Variants in PCDH9 observed in about 807,000 individuals in gnomAD.
PCDH9 encodes the protein protocadherin 9.
In PCDH9, 24 loss-of-function variants were observed where a neutral mutation model predicts 70.6. That is an observed-to-expected ratio of 0.34 (90% CI 0.25 to 0.48). The LOEUF is 0.48. PCDH9 is among the 20% of genes least tolerant of loss of function. PCDH9 has a pLI of 0.99. For missense variants in PCDH9, 1,281 were observed against 1,503.6 expected (o/e 0.85, Z 2.45); for synonymous variants, 562 against 558.5 (o/e 1.01, Z -0.09).
At chr13:66,911,836 C>G (rs1158298369) in intron 2 of PCDH9, among the ~76,000 whole-genome samples, 1 of 152,080 alleles carries the variant, frequency 6.6e-6, no homozygotes, top group African/African-American at 2.4e-5. Flanking sequence ...TTTGGAACTT[C>G]CCAGACCCTT....
At chr13:67,113,366 C>A (rs1184838093) in intron 2 of PCDH9, among the ~76,000 whole-genome samples, 1 of 152,142 alleles carries the variant, frequency 6.6e-6, no homozygotes, top group East Asian at 1.9e-4. Flanking sequence ...TTAACACATT[C>A]ACAATGGAGG....
intron 4 of PCDH9, among the ~76,000 whole-genome samples, chr13:66,305,381 A>C (rs1033716847): frequency 7.2e-5 from 11 of 152,154 alleles, no homozygotes; most frequent in Non-Finnish European, 1.6e-4. Context: ...ATATTCTAAG[A>C]AATCCCAGAA....
chr13:66,745,311 A>G (rs1431254993), intron 3 of PCDH9, among the ~76,000 whole-genome samples: 1 of 152,198 alleles, frequency 6.6e-6, no homozygotes, highest in African/African-American at 2.4e-5. Context: ...TTGCTTTCAA[A>G]ACCCTAATAC....
intron 4 of PCDH9, among the ~76,000 whole-genome samples, chr13:66,317,351 C>A (rs887394681): frequency 6.6e-6 from 1 of 152,114 alleles, no homozygotes; most frequent in Non-Finnish European, 1.5e-5. Context: ...ACATGAGAAA[C>A]TTTGGTAAGA....
chr13:67,153,336 T>C (rs2138392300), intron 2 of PCDH9, among the ~76,000 whole-genome samples: 2 of 152,152 alleles, frequency 1.3e-5, no homozygotes, highest in South Asian at 4.1e-4. Context: ...CTTGGCTGAT[T>C]TGTTATTTTT....
At chr13:66,312,778 C>T (rs187132069) in intron 4 of PCDH9, among the ~76,000 whole-genome samples, 4 of 152,114 alleles carry the variant, frequency 2.6e-5, no homozygotes, top group East Asian at 1.9e-4. Flanking sequence ...GAGAAACAAA[C>T]GCACACGAAT....
chr13:66,658,735 T>C (rs1285959790), intron 3 of PCDH9, among the ~76,000 whole-genome samples: 1 of 152,196 alleles, frequency 6.6e-6, no homozygotes, highest in Non-Finnish European at 1.5e-5. Context: ...CTTAATGGTA[T>C]ATAAAATGAT....
chr13:67,123,929 TAAAG>T (rs1012008817), intron 2 of PCDH9, among the ~76,000 whole-genome samples: 66 of 151,870 alleles, frequency 4.3e-4, no homozygotes, highest in African/African-American at 1.6e-3. Flanking sequence ...GACTCACTAC[TAAAG>T]AATCTTCCCA....
intron 3 of PCDH9, among the ~76,000 whole-genome samples, chr13:66,772,117 T>C (rs2079818135): frequency 6.6e-6 from 1 of 152,202 alleles, no homozygotes; most frequent in Admixed American, 6.5e-5. Flanking sequence ...AAATATTATA[T>C]CAGCTTCAGA....
intron 2 of PCDH9, among the ~76,000 whole-genome samples, chr13:67,116,388 C>A (rs1302737889): frequency 6.6e-6 from 1 of 152,134 alleles, no homozygotes; most frequent in African/African-American, 2.4e-5. Flanking sequence ...GATATAACTT[C>A]TGAAAATCAT....
rs551986905 is a variant in PCDH9, at chr13:66,836,916, A to G, written c.3138+66588T>C. The stretch of plus-strand genomic sequence containing the variant: ...AGTCTACCTCATGTAGTTCTACCAG[A>G]GGAATAACAGCGCTCGAGTACAAAA... On this transcript the variant is annotated intron_variant, in intron 3 of 4. Coordinates refer to ENST00000377865, the MANE Select transcript of PCDH9 (RefSeq NM_203487.3). Among the ~76,000 whole-genome samples, 42 of 152,322 alleles carry G rather than the reference A, an allele frequency of 2.8e-4. No individual in the cohort carries two copies. The South Asian group carries it at 5.0e-3, about 18-fold the overall frequency.
chr13:67,014,771 C>A (rs796092868), intron 2 of PCDH9, among the ~76,000 whole-genome samples: 3 of 152,186 alleles, frequency 2.0e-5, no homozygotes, highest in African/African-American at 4.8e-5. Context: ...CCCCTCCGAA[C>A]TTCCATTGCC....
At chr13:67,094,230 T>G (rs778088588) in intron 2 of PCDH9, among the ~76,000 whole-genome samples, 2 of 152,176 alleles carry the variant, frequency 1.3e-5, no homozygotes, top group Non-Finnish European at 2.9e-5. Flanking sequence ...GTGAGAATAC[T>G]TGGTGGACAA....
intron 3 of PCDH9, among the ~76,000 whole-genome samples, chr13:66,822,616 C>T (rs529870518): frequency 6.6e-6 from 1 of 150,686 alleles, no homozygotes; most frequent in Admixed American, 6.6e-5. Context: ...AGCCTCTCCT[C>T]CTGGGTTCAA....
chr13:66,603,012 A>G (rs1016383421), intron 4 of PCDH9, among the ~76,000 whole-genome samples: 6 of 145,946 alleles, frequency 4.1e-5, no homozygotes, highest in African/African-American at 1.2e-4. Context: ...AGGCGATACC[A>G]TCTAGGTTTG....
intron 3 of PCDH9, among the ~76,000 whole-genome samples, chr13:66,890,372 G>A (rs1051255479): frequency 4.7e-5 from 7 of 150,040 alleles, no homozygotes; most frequent in Admixed American, 3.3e-4. Context: ...CATGGAACCT[G>A]ACTAAGACAC....
intron 2 of PCDH9, among the ~76,000 whole-genome samples, chr13:66,948,128 A>G (rs1225438607): frequency 1.9e-5 from 2 of 107,616 alleles, no homozygotes; most frequent in East Asian, 2.0e-4. Context: ...GCCTCAGAGT[A>G]TAGTGTTGAT....
intron 3 of PCDH9, among the ~76,000 whole-genome samples, chr13:66,789,681 G>A (rs1594064082): frequency 6.6e-6 from 1 of 151,932 alleles, no homozygotes; most frequent in South Asian, 2.1e-4. Flanking sequence ...GTGTATCCCC[G>A]TTTTATGCTC....
At chr13:66,546,001 A>AT (rs1015147287) in intron 4 of PCDH9, among the ~76,000 whole-genome samples, 5 of 150,832 alleles carry the variant, frequency 3.3e-5, no homozygotes, top group African/African-American at 9.7e-5. Context: ...ATGTCTGGCT[A>AT]TTTTTTTCTA....
Sources: gnomAD v4.1 joint callset for allele counts (sites outside exome capture counted in the v4.1 genomes callset) on GRCh38, gnomAD v4.1.1 for gene constraint, MANE v1.5 for transcripts, NCBI Gene and HGNC (gene_info 2026-07-23, HGNC 2026-07-21) for gene names.